PRKN: variants seen among roughly 807,000 people sequenced by gnomAD.
PRKN encodes the protein parkin RBR E3 ubiquitin protein ligase.
In PRKN, 56 loss-of-function variants were observed where a neutral mutation model predicts 59.5. The observed-to-expected ratio is 0.94, with a 90% CI of 0.76 to 1.18. The LOEUF is 1.18. Ranked by LOEUF, PRKN falls within the 50% of genes most tolerant of loss-of-function variation. The probability of loss-of-function intolerance (pLI) is 0.00; values close to 1 mark genes in which losing one functional copy is unlikely to be tolerated. For synonymous variants in PRKN, 250 were observed against 222.1 expected (o/e 1.13, Z -1.12); for missense variants, 657 against 596.4 (o/e 1.10, Z -1.06).
chr6:162,239,034 G>A (rs12203066), intron 3 of PRKN, among the ~76,000 whole-genome samples: 29,204 of 152,104 alleles, frequency 0.19, 3,294 homozygotes, highest in South Asian at 0.37. Context: ...CAAATGACCA[G>A]AGAAAACGCT....
chr6:162,195,236 A>G (rs1784445288), intron 4 of PRKN, among the ~76,000 whole-genome samples: 1 of 152,238 alleles, frequency 6.6e-6, no homozygotes, highest in South Asian at 2.1e-4. Context: ...TGCCTCCTCC[A>G]CTGTGCTTTC....
At chr6:161,662,807 G>C (rs915387257) in intron 7 of PRKN, among the ~76,000 whole-genome samples, 1 of 152,144 alleles carries the variant, frequency 6.6e-6, no homozygotes, top group Non-Finnish European at 1.5e-5. Flanking sequence ...CCACAGCAGG[G>C]TCTAATCGAA....
At chr6:162,418,972 G>A (rs1788808505) in intron 2 of PRKN, among the ~76,000 whole-genome samples, 1 of 151,988 alleles carries the variant, frequency 6.6e-6, no homozygotes, top group South Asian at 2.1e-4. Context: ...CACAAACTGG[G>A]AAGCAGGCAC....
chr6:162,228,119 A>G (rs535768187), intron 3 of PRKN, among the ~76,000 whole-genome samples: 1 of 152,276 alleles, frequency 6.6e-6, no homozygotes, highest in South Asian at 2.1e-4. Context: ...GCATAAAGCA[A>G]ATTACAAGAG....
chr6:161,883,019 A>G (rs997605870), intron 6 of PRKN, among the ~76,000 whole-genome samples: 1 of 111,636 alleles, frequency 9.0e-6, no homozygotes, highest in Non-Finnish European at 1.7e-5. Flanking sequence ...AAAACAAAAA[A>G]CAACAACAAC....
intron 6 of PRKN, among the ~76,000 whole-genome samples, chr6:161,885,712 A>C (rs1795123396): frequency 6.6e-6 from 1 of 151,764 alleles, no homozygotes; most frequent in Admixed American, 6.6e-5. Flanking sequence ...GTAGAACAAC[A>C]TTCTCTGAAT....
chr6:162,035,316 C>T (rs80041134), intron 5 of PRKN, among the ~76,000 whole-genome samples: 1,634 of 152,262 alleles, frequency 0.011, 34 homozygotes, highest in Admixed American at 0.04. Flanking sequence ...CACCAGGCCC[C>T]ACCTCCAACA....
intron 6 of PRKN, among the ~76,000 whole-genome samples, chr6:161,822,366 T>A (rs1486173252): frequency 6.6e-6 from 1 of 152,188 alleles, no homozygotes; most frequent in African/African-American, 2.4e-5. Flanking sequence ...GAGGCATGCA[T>A]CTTGGACGAT....
chr6:162,460,688 T>G (rs935332245), intron 1 of PRKN, among the ~76,000 whole-genome samples: 4 of 152,164 alleles, frequency 2.6e-5, no homozygotes, highest in African/African-American at 9.7e-5. Context: ...ACTTTAAATG[T>G]TTTTTCCCCT....
chr6:161,387,099 T>C (rs555710812), intron 9 of PRKN, among the ~76,000 whole-genome samples: 23 of 152,276 alleles, frequency 1.5e-4, no homozygotes. Context: ...ACAGAGATGA[T>C]GGGTCACATT....
chr6:162,242,817 A>G (rs542239500), intron 3 of PRKN, among the ~76,000 whole-genome samples: 2 of 152,244 alleles, frequency 1.3e-5, no homozygotes, highest in African/African-American at 4.8e-5. Flanking sequence ...CTGTTGCAAA[A>G]TGGCAATCAA....
chr6:162,574,677 GCTA>G (rs1780486761), intron 1 of PRKN, among the ~76,000 whole-genome samples: 2 of 107,032 alleles, frequency 1.9e-5, no homozygotes, highest in African/African-American at 7.4e-5. Flanking sequence ...TCATAAGATT[GCTA>G]TCCCCCAAAA....
intron 1 of PRKN, among the ~76,000 whole-genome samples, chr6:162,512,179 T>C (rs1224380720): frequency 6.6e-6 from 1 of 152,204 alleles, no homozygotes; most frequent in Non-Finnish European, 1.5e-5. Flanking sequence ...TCACTTTCCT[T>C]ACAGCTTCTC....
chr6:162,213,179 G>T (rs920366869), intron 3 of PRKN, among the ~76,000 whole-genome samples: 3 of 152,118 alleles, frequency 2.0e-5, no homozygotes, highest in African/African-American at 7.2e-5. Context: ...TAGAAAGTGG[G>T]GTGGTGGTCC....
chr6:161,563,416 C>T (rs1780526495), intron 8 of PRKN, among the ~76,000 whole-genome samples: 1 of 151,996 alleles, frequency 6.6e-6, no homozygotes, highest in Admixed American at 6.5e-5. Flanking sequence ...GTTCAAAGGC[C>T]CTACAAACCT....
At chr6:161,570,139 AAAAAAAAAT>A (rs1282336156) in intron 7 of PRKN, among the ~76,000 whole-genome samples, 20 of 135,400 alleles carry the variant, frequency 1.5e-4, no homozygotes, top group African/African-American at 4.9e-4. Flanking sequence ...AAAAAAAAAA[AAAAAAAAAT>A]ATATATATAT....
At chr6:162,585,369 C>T (rs547605707) in intron 1 of PRKN, among the ~76,000 whole-genome samples, 32 of 152,278 alleles carry the variant, frequency 2.1e-4, no homozygotes, top group African/African-American at 7.7e-4. Flanking sequence ...CCCTTACACA[C>T]CACATTTGTC....
intron 2 of PRKN, among the ~76,000 whole-genome samples, chr6:162,303,585 G>A (rs1217459156): frequency 1.3e-5 from 2 of 151,228 alleles, no homozygotes; most frequent in East Asian, 1.9e-4. Context: ...TTGGAAATTG[G>A]TTAAAACTAA....
intron 6 of PRKN, among the ~76,000 whole-genome samples, chr6:161,933,278 C>CAAAACA (rs1300411910): frequency 6.6e-6 from 1 of 151,564 alleles, no homozygotes; most frequent in Admixed American, 6.6e-5. Context: ...GACTCCGTTT[C>CAAAACA]AAAACAAAAA....
Sources: allele counts gnomAD v4.1 joint callset (sites outside exome capture counted in the v4.1 genomes callset), GRCh38; gene constraint gnomAD v4.1.1; transcripts MANE v1.5; gene names NCBI Gene and HGNC (gene_info 2026-07-23, HGNC 2026-07-21).